The following ROR1 variants were observed in gnomAD, a reference collection of about 807,000 sequenced individuals.
ROR1 encodes ROR family WNT receptor 1.
In ROR1, 19 loss-of-function variants were observed where a neutral mutation model predicts 78.8. The ratio of observed to expected loss-of-function variants is 0.24; its 90% confidence interval spans 0.17 to 0.35. ROR1 has a LOEUF of 0.35. ROR1 is among the 10% of genes least tolerant of loss of function. The pLI, the probability that ROR1 is intolerant of heterozygous loss-of-function variation, is 1.00. For missense variants in ROR1, 917 were observed against 1,177.8 expected, an observed-to-expected ratio of 0.78 and a Z score of 3.24; for synonymous variants, 386 against 433.6, an observed-to-expected ratio of 0.89 and a Z score of 1.36.
chr1:63,954,634 C>T (rs1645967033), intron 1 of ROR1, among the ~76,000 whole-genome samples: 1 of 152,158 alleles, frequency 6.6e-6, no homozygotes, highest in African/African-American at 2.4e-5. Context: ...TTGGAAAAAA[C>T]ATTGTGTCTG....
At chr1:63,962,592 G>A (rs1646038241) in intron 1 of ROR1, among the ~76,000 whole-genome samples, 1 of 152,212 alleles carries the variant, frequency 6.6e-6, no homozygotes, top group African/African-American at 2.4e-5. Flanking sequence ...TGATTTAACT[G>A]CATCTCAAAT....
At chr1:63,960,593 T>A (rs114954288) in intron 1 of ROR1, among the ~76,000 whole-genome samples, 5 of 152,286 alleles carry the variant, frequency 3.3e-5, no homozygotes, top group African/African-American at 9.6e-5. Flanking sequence ...TTGCTCAAGT[T>A]TGACCAGACA....
chr1:64,007,525 T>C (rs536257120), intron 1 of ROR1, among the ~76,000 whole-genome samples: 14 of 152,294 alleles, frequency 9.2e-5, no homozygotes, highest in Admixed American at 8.5e-4. Flanking sequence ...CAGTCTATTA[T>C]TAAAGAGTTT....
chr1:63,963,761 C>T (rs780694729), intron 1 of ROR1, among the ~76,000 whole-genome samples: 56 of 152,120 alleles, frequency 3.7e-4, no homozygotes, highest in Admixed American at 2.0e-4. Context: ...TTTCTGGAAC[C>T]CCAAGAAAGA....
chr1:63,969,386 C>T (rs1010346029), intron 1 of ROR1, among the ~76,000 whole-genome samples: 2 of 152,152 alleles, frequency 1.3e-5, no homozygotes, highest in Non-Finnish European at 2.9e-5. Flanking sequence ...TCAGGCTCTC[C>T]TGTCCTTGCA....
intron 1 of ROR1, among the ~76,000 whole-genome samples, chr1:63,832,475 G>C (rs1230553396): frequency 6.6e-6 from 1 of 152,164 alleles, no homozygotes; most frequent in Admixed American, 6.5e-5. Context: ...CTCCTCCCTT[G>C]ACATGTGGGG....
chr1:63,978,685 T>C (rs1477333551), intron 1 of ROR1, among the ~76,000 whole-genome samples: 1 of 152,216 alleles, frequency 6.6e-6, no homozygotes, highest in African/African-American at 2.4e-5. Context: ...TATGGTTCTA[T>C]AAGAGAACAT....
intron 1 of ROR1, among the ~76,000 whole-genome samples, chr1:63,839,777 C>T (rs1180933876): frequency 2.0e-5 from 3 of 151,416 alleles, no homozygotes; most frequent in Admixed American, 6.6e-5. Flanking sequence ...CTATTTTTTC[C>T]AAGTCTTTAT....
chr1:64,059,516 C>T (rs941520219), intron 4 of ROR1, among the ~76,000 whole-genome samples: 1 of 152,068 alleles, frequency 6.6e-6, no homozygotes, highest in African/African-American at 2.4e-5. Flanking sequence ...CGAGGCCAGC[C>T]TGACCAACAT....
chr1:63,968,140 C>A (rs1321306638), intron 1 of ROR1, among the ~76,000 whole-genome samples: 2 of 152,050 alleles, frequency 1.3e-5, no homozygotes, highest in African/African-American at 2.4e-5. Flanking sequence ...ATAGTTGTAT[C>A]CGAAGCTAGT....
chr1:63,930,185 A>T (rs1475937355), intron 1 of ROR1, among the ~76,000 whole-genome samples: 1 of 151,944 alleles, frequency 6.6e-6, no homozygotes, highest in Non-Finnish European at 1.5e-5. Context: ...TTCATTGTTT[A>T]ATGGGTTCTC....
At chr1:64,164,890 G>T (rs758084770) in intron 8 of ROR1, among the ~76,000 whole-genome samples, 1 of 152,078 alleles carries the variant, frequency 6.6e-6, no homozygotes, top group African/African-American at 2.4e-5. Flanking sequence ...AAGGATAATG[G>T]TCTCCAGCTC....
At chr1:63,928,781 A>G (rs996507025) in intron 1 of ROR1, among the ~76,000 whole-genome samples, 1 of 152,224 alleles carries the variant, frequency 6.6e-6, no homozygotes, top group African/African-American at 2.4e-5. Flanking sequence ...AAATGGGTTA[A>G]TACAAATAAA....
At chr1:64,151,178 G>A (rs1244799740) in intron 7 of ROR1, among the ~76,000 whole-genome samples, 1 of 152,172 alleles carries the variant, frequency 6.6e-6, no homozygotes, top group Non-Finnish European at 1.5e-5. Flanking sequence ...GCGAGACCTG[G>A]GGCTAACATG....
At chr1:63,892,272 G>A (rs1398208932) in intron 1 of ROR1, among the ~76,000 whole-genome samples, 1 of 152,226 alleles carries the variant, frequency 6.6e-6, no homozygotes, top group East Asian at 1.9e-4. Context: ...CGGGGGAGCT[G>A]GGCACTTCGC....
intron 1 of ROR1, among the ~76,000 whole-genome samples, chr1:63,963,154 T>G (rs761001500): frequency 6.6e-6 from 1 of 152,202 alleles, no homozygotes; most frequent in Non-Finnish European, 1.5e-5. Flanking sequence ...GGTTTGAACT[T>G]TAATACTGTT....
intron 1 of ROR1, among the ~76,000 whole-genome samples, chr1:63,938,359 TG>T (rs1206131858): frequency 6.6e-6 from 1 of 152,218 alleles, no homozygotes; most frequent in East Asian, 1.9e-4. Context: ...CCATAGATTT[TG>T]GTATCTGAGG....
intron 2 of ROR1, among the ~76,000 whole-genome samples, chr1:64,027,661 C>T (rs1570080591): frequency 6.6e-6 from 1 of 151,854 alleles, no homozygotes; most frequent in African/African-American, 2.4e-5. Flanking sequence ...CATAACATCC[C>T]AACTTTGTGT....
intron 7 of ROR1, among the ~76,000 whole-genome samples, chr1:64,145,134 A>G (rs1649440810): frequency 6.6e-6 from 1 of 152,228 alleles, no homozygotes; most frequent in African/African-American, 2.4e-5. Context: ...AACATATGTA[A>G]ATAAATGCTT....
Sources: allele counts gnomAD v4.1 joint callset (sites outside exome capture counted in the v4.1 genomes callset), GRCh38; gene constraint gnomAD v4.1.1; transcripts MANE v1.5; gene names NCBI Gene and HGNC (gene_info 2026-07-23, HGNC 2026-07-21).